The following ROBO2 variants were observed in gnomAD, a reference collection of about 807,000 sequenced individuals.
ROBO2 encodes roundabout homolog 2.
A neutral mutation model predicts 160.8 loss-of-function variants in ROBO2; 53 were observed. The observed-to-expected ratio is 0.33, with a 90% confidence interval of 0.26 to 0.41. The LOEUF is 0.41. Ranked by LOEUF, ROBO2 falls within the 10% of genes least tolerant of loss-of-function variation. The pLI, the probability that ROBO2 is intolerant of heterozygous loss-of-function variation, is 1.00. For missense variants in ROBO2, 1,577 were observed against 1,722.4 expected, an observed-to-expected ratio of 0.92 and a Z score of 1.49; for synonymous variants, 664 against 611.7, an observed-to-expected ratio of 1.09 and a Z score of -1.26.
chr3:77,632,685 G>A, intron 23 of ROBO2: 1 of 1,512,088 alleles, frequency 6.6e-7, no homozygotes, highest in Non-Finnish European at 8.8e-7. Flanking sequence ...AACACTCTTT[G>A]CATGAGAGAA....
intron 1 of ROBO2, among the ~76,000 whole-genome samples, chr3:77,080,255 G>A (rs2068498764): frequency 6.6e-6 from 1 of 152,152 alleles, no homozygotes; most frequent in Admixed American, 6.6e-5. Context: ...AGGCCACTGT[G>A]AGGGTCTGAT....
rs191136573 is a variant in ROBO2 at position 76,363,875 on chromosome 3, G to T, written c.109+426273G>T. On this transcript the variant is annotated intron_variant, in intron 2 of 26. Transcript: ENST00000487694. ...ACTCTCTTTAAATTTCTTAATCTGG[G>T]ACATCCTTGACTTTTACTTAAACTA... Among the ~76,000 whole-genome samples, 3 of 151,492 alleles carry T rather than the reference G, an allele frequency of 2.0e-5. No individual in the cohort carries two copies. In the East Asian group the frequency reaches 5.9e-4, roughly 30 times the overall value.
intron 2 of ROBO2, among the ~76,000 whole-genome samples, chr3:76,210,959 C>T (rs1280431671): frequency 6.6e-6 from 1 of 152,072 alleles, no homozygotes; most frequent in Non-Finnish European, 1.5e-5. Flanking sequence ...AGTTAATATG[C>T]TCAGCATTTA....
chr3:75,984,806 C>A (rs933480152), intron 2 of ROBO2, among the ~76,000 whole-genome samples: 3 of 151,302 alleles, frequency 2.0e-5, no homozygotes, highest in African/African-American at 7.3e-5. Flanking sequence ...GGGTCTATTT[C>A]TGATCATTAC....
chr3:77,166,690 C>G (rs2079116979), intron 2 of ROBO2, among the ~76,000 whole-genome samples: 1 of 152,154 alleles, frequency 6.6e-6, no homozygotes, highest in South Asian at 2.1e-4. Flanking sequence ...TCCCGAGTAG[C>G]TGGGACTACA....
intron 1 of ROBO2, among the ~76,000 whole-genome samples, chr3:77,060,766 A>G (rs960189942): frequency 3.4e-4 from 51 of 152,192 alleles, no homozygotes; most frequent in African/African-American, 1.2e-3. Flanking sequence ...AAAGAAACTG[A>G]AAAGCTAAAC....
chr3:77,040,912 T>G (rs2064021624), intron 1 of ROBO2, 66 bp downstream of exon 1: 1 of 1,497,118 alleles, frequency 6.7e-7, no homozygotes, highest in South Asian at 1.1e-5. Flanking sequence ...AACCATTTCT[T>G]TTTGAATTTG....
At chr3:76,610,366 C>T (rs1042131518) in intron 2 of ROBO2, among the ~76,000 whole-genome samples, 2 of 152,156 alleles carry the variant, frequency 1.3e-5, no homozygotes, top group South Asian at 2.1e-4. Flanking sequence ...ATCCCCTGCC[C>T]GTATCCTGCA....
chr3:76,093,912 A>G (rs1576829077), intron 2 of ROBO2, among the ~76,000 whole-genome samples: 1 of 152,154 alleles, frequency 6.6e-6, no homozygotes, highest in Non-Finnish European at 1.5e-5. Context: ...AGAATCTACA[A>G]CAACATAGTT....
chr3:76,576,627 T>G (rs1029384344), intron 2 of ROBO2, among the ~76,000 whole-genome samples: 3 of 151,630 alleles, frequency 2.0e-5, no homozygotes, highest in Non-Finnish European at 4.4e-5. Context: ...AAATCTCATT[T>G]TTTAAAAAAG....
rs4855993 is a variant in ROBO2 at position 75,979,257 on chromosome 3, A to T, written c.109+41655A>T. On this transcript the variant is annotated intron_variant, in intron 2 of 26. Transcript: ENST00000487694. ...ATCATAAAGATATGTGGGACTGGTGAGGGATAAAGGGATGAATGAGCCTTA... is the reference window on the plus strand; with the variant it reads ...ATCATAAAGATATGTGGGACTGGTGTGGGATAAAGGGATGAATGAGCCTTA... Among the ~76,000 whole-genome samples the T allele has an allele frequency of 4.5e-3, 690 of 151,740 alleles. 23 individuals are homozygous for T. The highest frequency in any genetic ancestry group is 0.039 in the Admixed American group (596 of 15,162).
chr3:76,085,000 C>A (rs950035833), intron 2 of ROBO2, among the ~76,000 whole-genome samples: 1 of 151,966 alleles, frequency 6.6e-6, no homozygotes, highest in Non-Finnish European at 1.5e-5. Context: ...ATTTATGCAA[C>A]CTCATGTAAC....
intron 2 of ROBO2, among the ~76,000 whole-genome samples, chr3:76,566,626 C>T (rs915705537): frequency 6.6e-6 from 1 of 152,058 alleles, no homozygotes; most frequent in Non-Finnish European, 1.5e-5. Context: ...AAAATAATAC[C>T]AATGGCTTTA....
At chr3:75,960,101 G>A (rs1373264719) in intron 2 of ROBO2, among the ~76,000 whole-genome samples, 2 of 151,618 alleles carry the variant, frequency 1.3e-5, no homozygotes, top group Admixed American at 1.3e-4. Flanking sequence ...TGAGGGGATT[G>A]TAGAGGGCCA....
intron 1 of ROBO2, among the ~76,000 whole-genome samples, chr3:75,926,805 G>GTCAT (rs1208764765): frequency 6.6e-6 from 1 of 152,162 alleles, no homozygotes; most frequent in Admixed American, 6.5e-5. Context: ...ACTAATTTGA[G>GTCAT]TCATTACACT....
chr3:76,626,665 T>G (rs531347636), intron 2 of ROBO2, among the ~76,000 whole-genome samples: 1 of 152,332 alleles, frequency 6.6e-6, no homozygotes, highest in African/African-American at 2.4e-5. Flanking sequence ...ATTCTCTTTC[T>G]TAACTTATTG....
At chr3:76,762,474 C>T (rs1268007891) in intron 2 of ROBO2, among the ~76,000 whole-genome samples, 2 of 143,114 alleles carry the variant, frequency 1.4e-5, no homozygotes, top group Non-Finnish European at 3.0e-5. Context: ...CATGAGTGAA[C>T]TGTTTCTGAG....
intron 2 of ROBO2, among the ~76,000 whole-genome samples, chr3:77,237,621 A>T (rs1447026004): frequency 6.6e-6 from 1 of 152,160 alleles, no homozygotes; most frequent in African/African-American, 2.4e-5. Flanking sequence ...AAGTCCATAT[A>T]GTGTATCTAT....
intron 2 of ROBO2, among the ~76,000 whole-genome samples, chr3:77,123,985 A>G (rs1178411528): frequency 6.6e-6 from 1 of 151,022 alleles, no homozygotes; most frequent in Non-Finnish European, 1.5e-5. Flanking sequence ...ATATAGATAT[A>G]TATGTATCTA....
Sources: allele counts gnomAD v4.1 joint callset (sites outside exome capture counted in the v4.1 genomes callset), GRCh38; gene constraint gnomAD v4.1.1; transcripts MANE v1.5; gene names NCBI Gene and HGNC (gene_info 2026-07-23, HGNC 2026-07-21).